UNC13A: variants seen among roughly 807,000 people sequenced by gnomAD.
UNC13A encodes the protein protein unc-13 homolog A.
UNC13A carries 61 observed loss-of-function variants against 219.7 expected under a neutral mutation model. The observed-to-expected ratio is 0.28, with a 90% confidence interval of 0.23 to 0.34. UNC13A has a LOEUF of 0.34. Among genes scored for constraint, UNC13A ranks in the 10% least tolerant of loss-of-function variants. The probability of loss-of-function intolerance (pLI) is 1.00; values close to 1 mark genes in which losing one functional copy is unlikely to be tolerated. For synonymous variants in UNC13A, 920 were observed against 884.6 expected, an observed-to-expected ratio of 1.04 and a Z score of -0.71; for missense variants, 1,476 against 2,270.3, an observed-to-expected ratio of 0.65 and a Z score of 7.11.
In UNC13A at chr19:17,645,997, T is replaced by C. The variant is rs756602894; in HGVS notation, c.2159A>G (p.Asn720Ser). The change falls in exon 18 of 44, where the codon AAC becomes AGC. Residue 720 changes from asparagine to serine, a missense_variant. Transcript: ENST00000519716. Reference protein sequence around the residue: ...KRTKTIYGNLNPVWEENFHFE... With the variant: ...KRTKTIYGNLSPVWEENFHFE... Reference sequence around the variant, plus strand: ...GTGGAAATTCTCCTCCCACACCGGGTTGAGGTTCCCATAGATGGTTTTTGT... The same window carrying C: ...GTGGAAATTCTCCTCCCACACCGGGCTGAGGTTCCCATAGATGGTTTTTGT... 1 of 1,612,970 alleles carries C rather than the reference T, an allele frequency of 6.2e-7. No homozygotes were observed. The highest frequency in any genetic ancestry group is 2.2e-5 in the East Asian group (1 of 44,838).
intron 1 of UNC13A, among the ~76,000 whole-genome samples, chr19:17,685,817 C>T (rs999429991): frequency 1.2e-4 from 18 of 152,114 alleles, no homozygotes; most frequent in African/African-American, 2.9e-4. Flanking sequence ...TGTGGGTCCC[C>T]GGTGGAGGGG....
intron 35 of UNC13A, 100 bp from the exon 36 acceptor site, chr19:17,623,647 G>A: frequency 3.4e-6 from 2 of 589,038 alleles, no homozygotes; most frequent in Non-Finnish European, 5.6e-6. Flanking sequence ...GCAGCACGGA[G>A]GGGCAAGACC....
intron 8 of UNC13A, among the ~76,000 whole-genome samples, chr19:17,662,919 CAAAA>C (rs35777969): frequency 6.7e-5 from 5 of 74,196 alleles, no homozygotes; most frequent in Non-Finnish European, 5.4e-5. Context: ...GACTCCGTCT[CAAAA>C]AAAAAAAAAA....
intron 41 of UNC13A, among the ~76,000 whole-genome samples, chr19:17,615,101 G>A (rs79768453): frequency 0.017 from 2,586 of 152,308 alleles, 77 homozygotes; most frequent in African/African-American, 0.059. Flanking sequence ...AAGGTTCCTC[G>A]GACAAGTGGT....
intron 26 of UNC13A, among the ~76,000 whole-genome samples, chr19:17,634,950 A>G (rs1052179192): frequency 6.6e-6 from 1 of 151,914 alleles, no homozygotes; most frequent in African/African-American, 2.4e-5. Context: ...GGCTCACTGC[A>G]AGCTCCACCT....
Position 17,606,111 on chromosome 19 carries a change from C to T in UNC13A, c.5055G>A (p.Val1685=). 2 of 1,597,188 alleles carry T rather than the reference C, an allele frequency of 1.3e-6. No homozygotes were observed. The highest frequency in any genetic ancestry group is 1.7e-6 in the Non-Finnish European group (2 of 1,173,884). The change falls in exon 44 of 44, where the codon GTG becomes GTA. Residue 1685 remains valine, a synonymous_variant. Transcript: ENST00000519716. ...CGGAGCGCGTGTCCGACTTGAGCTT[C>T]ACGAACTCCTTGGCCACCTCGTCGT... The part of the protein sequence containing the change: ...RSNDEVAKEF[V]KLKSDTRSAE...
At chr19:17,679,385 G>C (rs2079962946) in intron 1 of UNC13A, among the ~76,000 whole-genome samples, 1 of 151,720 alleles carries the variant, frequency 6.6e-6, no homozygotes, top group African/African-American at 2.4e-5. Context: ...GGGCGACAGA[G>C]CAAGACTCTG....
chr19:17,637,382 C>T (rs1381698259), intron 25 of UNC13A, among the ~76,000 whole-genome samples: 1 of 151,622 alleles, frequency 6.6e-6, no homozygotes, highest in African/African-American at 2.4e-5. Flanking sequence ...ACTGCAAGCT[C>T]TGCCTCCCAG....
At chr19:17,639,408 G>A (rs2076944123) in intron 24 of UNC13A, 28 bp downstream of exon 24, 1 of 1,602,830 alleles carries the variant, frequency 6.2e-7, no homozygotes, top group African/African-American at 1.3e-5. Context: ...CCTCCTTGGA[G>A]AGCAAAGGCA....
intron 43 of UNC13A, among the ~76,000 whole-genome samples, chr19:17,607,673 T>C (rs957464991): frequency 6.6e-6 from 1 of 151,594 alleles, no homozygotes; most frequent in Non-Finnish European, 1.5e-5. Context: ...AGCCTTAAAC[T>C]CCTGAGCTCA....
intron 37 of UNC13A, among the ~76,000 whole-genome samples, chr19:17,621,038 T>G (rs944634832): frequency 1.3e-5 from 2 of 152,128 alleles, no homozygotes; most frequent in African/African-American, 4.8e-5. Flanking sequence ...GCTAGGAATC[T>G]GTCTCCTCCT....
intron 12 of UNC13A, among the ~76,000 whole-genome samples, chr19:17,652,246 C>A (rs1000898631): frequency 2.0e-4 from 30 of 152,186 alleles, no homozygotes; most frequent in African/African-American, 7.0e-4. Flanking sequence ...ATTATCTTGC[C>A]TCAGCATCCC....
chr19:17,687,238 C>G (rs1326585795), intron 1 of UNC13A, among the ~76,000 whole-genome samples: 1 of 152,060 alleles, frequency 6.6e-6, no homozygotes, highest in African/African-American at 2.4e-5. Flanking sequence ...CCTCCAACCC[C>G]AACGCAGAGC....
intron 1 of UNC13A, among the ~76,000 whole-genome samples, chr19:17,680,540 G>C (rs12979460): frequency 0.1 from 15,543 of 152,112 alleles, 989 homozygotes; most frequent in South Asian, 0.24. Flanking sequence ...GATGAATGTA[G>C]TGGCCGTACC....
chr19:17,684,875 G>A (rs1456806151), intron 1 of UNC13A, among the ~76,000 whole-genome samples: 1 of 152,218 alleles, frequency 6.6e-6, no homozygotes, highest in Non-Finnish European at 1.5e-5. Flanking sequence ...TGGTGTGTGT[G>A]AGCTTGTGGG....
At position 17,664,731 on chromosome 19, in the gene UNC13A, G is replaced by A. The variant is rs182733532; in HGVS notation, c.524-1164C>T. 3.3e-5 allele frequency among the ~76,000 whole-genome samples: 5 copies of A among 152,242 alleles called. No homozygotes were observed. In the East Asian group the frequency reaches 9.7e-4, roughly 29 times the overall value. On this transcript the variant is annotated intron_variant, in intron 7 of 43. Transcript: ENST00000519716. Reference sequence around the variant, plus strand: ...TGATGACCCCTCCCTGGCCAGGGAAGCCAAGGAACTTTCTCAATATCACTC... The same window carrying A: ...TGATGACCCCTCCCTGGCCAGGGAAACCAAGGAACTTTCTCAATATCACTC...
chr19:17,619,648 G>A (rs932941274), intron 38 of UNC13A, among the ~76,000 whole-genome samples: 1 of 152,030 alleles, frequency 6.6e-6, no homozygotes, highest in Non-Finnish European at 1.5e-5. Context: ...GTCCAGGCTG[G>A]TCTTGAATTC....
intron 7 of UNC13A, 34 bp downstream of exon 7, chr19:17,666,616 G>C (rs1314339409): frequency 6.9e-7 from 1 of 1,442,372 alleles, no homozygotes; most frequent in East Asian, 2.6e-5. Flanking sequence ...GAGGATTTCA[G>C]CTGATACCCA....
At chr19:17,619,169 C>T in intron 38 of UNC13A, 1 of 561,658 alleles carries the variant, frequency 1.8e-6, no homozygotes, top group Non-Finnish European at 3.2e-6. Flanking sequence ...GATAGTCCCC[C>T]ACCCTCTCAG....
Sources: allele counts gnomAD v4.1 joint callset (sites outside exome capture counted in the v4.1 genomes callset), GRCh38; gene constraint gnomAD v4.1.1; transcripts MANE v1.5; gene names NCBI Gene and HGNC (gene_info 2026-07-23, HGNC 2026-07-21).